Variants in ASXL2 observed in about 807,000 individuals in gnomAD.
ASXL2 encodes the protein putative Polycomb group protein ASXL2.
In ASXL2, 23 loss-of-function variants were observed where a neutral mutation model predicts 122.0. The ratio of observed to expected loss-of-function variants is 0.19; its 90% CI spans 0.14 to 0.27. The LOEUF (loss-of-function observed/expected upper bound fraction) is 0.27. ASXL2 is among the 10% of genes least tolerant of loss of function. ASXL2 has a pLI of 1.00. For synonymous variants in ASXL2, 650 were observed against 637.0 expected, an observed-to-expected ratio of 1.02 and a Z score of -0.31; for missense variants, 1,518 against 1,713.8, an observed-to-expected ratio of 0.89 and a Z score of 2.02.
At chr2:25,788,763 C>T (rs2088787572) in intron 5 of ASXL2, among the ~76,000 whole-genome samples, 1 of 152,008 alleles carries the variant, frequency 6.6e-6, no homozygotes, top group African/African-American at 2.4e-5. Flanking sequence ...AGTCTTTGCC[C>T]ATTTTTCTAT....
intron 3 of ASXL2, among the ~76,000 whole-genome samples, chr2:25,816,625 A>AG (rs2089238948): frequency 6.6e-6 from 1 of 152,252 alleles, no homozygotes; most frequent in Non-Finnish European, 1.5e-5. Flanking sequence ...GACATGAGGA[A>AG]GAAAAAAAGT....
At chr2:25,830,237 G>C (rs1229387040) in intron 3 of ASXL2, among the ~76,000 whole-genome samples, 3 of 152,186 alleles carry the variant, frequency 2.0e-5, no homozygotes, top group Non-Finnish European at 4.4e-5. Context: ...CCCCTAACAT[G>C]ATAGCCAAAA....
intron 1 of ASXL2, among the ~76,000 whole-genome samples, chr2:25,864,956 C>T (rs1465747256): frequency 2.6e-5 from 4 of 151,594 alleles, no homozygotes; most frequent in Admixed American, 6.6e-5. Context: ...CTCAGCCTCC[C>T]GAATACAGGC....
Position 25,741,995 on chromosome 2 carries a change from C to T in ASXL2, c.*34G>A, listed in dbSNP as rs2087836251. 7.7e-6 allele frequency: 12 copies of T among 1,564,596 alleles called. No individual in the cohort carries two copies. The highest frequency in any genetic ancestry group is 1.0e-5 in the Non-Finnish European group (12 of 1,149,508). ...ACCCAACTGGTCAACCCTTCCCTTC[C>T]CCCTCCTTTACAGTGTATCTCTTTC... On this transcript the variant is annotated 3_prime_UTR_variant, in exon 13 of 13. Transcript: ENST00000435504.
chr2:25,840,476 G>A (rs1318780779), intron 2 of ASXL2, among the ~76,000 whole-genome samples: 2 of 152,110 alleles, frequency 1.3e-5, no homozygotes, highest in South Asian at 2.1e-4. Flanking sequence ...TCTTTAGAAC[G>A]TTTTCAACGT....
chr2:25,813,789 G>A (rs1002091749), intron 3 of ASXL2, among the ~76,000 whole-genome samples: 5 of 152,222 alleles, frequency 3.3e-5, no homozygotes, highest in African/African-American at 9.6e-5. Flanking sequence ...AGTGGCTCAC[G>A]CCTGTAATCC....
At chr2:25,862,537 A>T (rs538862685) in intron 1 of ASXL2, among the ~76,000 whole-genome samples, 1 of 152,328 alleles carries the variant, frequency 6.6e-6, no homozygotes, top group Admixed American at 6.5e-5. Flanking sequence ...AGTATTTATT[A>T]AATGCCTATT....
At chr2:25,806,183 A>C in intron 4 of ASXL2, 46 bp downstream of exon 4, 1 of 1,211,230 alleles carries the variant, frequency 8.3e-7, no homozygotes, top group Non-Finnish European at 1.2e-6. Context: ...ATATGTGGTC[A>C]CTTCCTGTTT....
chr2:25,750,142 G>T lies in ASXL2; in HGVS notation c.1414C>A (p.His472Asn), dbSNP rs1170847179. Residue 472 changes from histidine (H) to asparagine (N), a missense_variant, in exon 12 of 13, where the codon CAT becomes AAT. Transcript: ENST00000435504. ...EPLLSSALNT[H>N]ELSSILPIKC... ...ATGGGAAGAATGCTGCTAAGCTCAT[G>T]TGTATTGAGAGCTGAGGAAAGCAGG... The T allele has an allele frequency of 6.2e-7, 1 of 1,613,878 alleles. No individual in the cohort carries two copies. Among genetic ancestry groups the T allele is most frequent in the African/African-American group, 1.3e-5 (1 of 74,924 alleles).
At chr2:25,859,127 G>C (rs1574452164) in intron 1 of ASXL2, among the ~76,000 whole-genome samples, 1 of 151,648 alleles carries the variant, frequency 6.6e-6, no homozygotes, top group South Asian at 2.1e-4. Flanking sequence ...TTCTTTTTGA[G>C]ACAGGGTTTT....
intron 3 of ASXL2, among the ~76,000 whole-genome samples, chr2:25,824,357 G>A (rs1206289515): frequency 1.3e-5 from 2 of 152,076 alleles, no homozygotes; most frequent in Non-Finnish European, 2.9e-5. Context: ...TGTGCAGGTG[G>A]TATAAAAGAT....
rs538393511 is a variant in ASXL2 at position 25,852,382 on chromosome 2, C to T, written c.58-6819G>A. Among the ~76,000 whole-genome samples, 5 of 152,296 alleles carry T rather than the reference C, an allele frequency of 3.3e-5. No individual in the cohort carries two copies. The South Asian group carries it at 1.0e-3, about 32-fold the overall frequency. On this transcript the variant is annotated intron_variant, in intron 1 of 12. Coordinates refer to ENST00000435504, the MANE Select transcript of ASXL2 (RefSeq NM_018263.6). ...TTGCCTCTAAGATTCAAGTTTGATT[C>T]TAGCCTAAATAACGGGAATATTTCA... is the stretch of plus-strand genomic sequence containing the variant.
intron 3 of ASXL2, among the ~76,000 whole-genome samples, chr2:25,816,155 G>A (rs1249085920): frequency 6.6e-6 from 1 of 151,560 alleles, no homozygotes; most frequent in Non-Finnish European, 1.5e-5. Flanking sequence ...AGACCAAGGT[G>A]AGCTGATCAC....
rs147273836 is a variant in ASXL2 at position 25,807,986 on chromosome 2, TACACAC to T, written c.144-1655_144-1650del. Among the ~76,000 whole-genome samples the T allele has an allele frequency of 4.6e-3, 603 of 131,780 alleles. 2 individuals carry two copies. The highest frequency in any genetic ancestry group is 0.016 in the African/African-American group (547 of 34,816). 86.5% of individuals were successfully genotyped at this position (131,780 alleles called of 152,430 possible). On this transcript the variant is annotated intron_variant, in intron 3 of 12. Coordinates refer to ENST00000435504, the MANE Select transcript of ASXL2 (RefSeq NM_018263.6). ...TAATTGGTTTAAATTAATCAGCTTT[TACACAC>T]ACACACACACACACACACACACACA...
In ASXL2 at chr2:25,740,235, G is replaced by A. The variant is rs936162329; in HGVS notation, c.*1794C>T. On this transcript the variant is annotated 3_prime_UTR_variant, in exon 13 of 13. Transcript: ENST00000435504. Reference sequence around the variant, plus strand: ...AAGTGAGTTTCTTACGGAGAGGAGCGGAGCAGGGGCTGTGGGAAAGCATCG... The same window carrying A: ...AAGTGAGTTTCTTACGGAGAGGAGCAGAGCAGGGGCTGTGGGAAAGCATCG... The A allele has an allele frequency of 3.2e-5, 7 of 221,190 alleles. No homozygotes were observed. Among genetic ancestry groups the A allele is most frequent in the South Asian group, 3.7e-4 (2 of 5,430 alleles). 13.7% of individuals were successfully genotyped at this position (221,190 alleles called of 1,614,324 possible).
intron 3 of ASXL2, among the ~76,000 whole-genome samples, chr2:25,814,125 T>C (rs1398692288): frequency 2.0e-5 from 3 of 152,238 alleles, no homozygotes; most frequent in Non-Finnish European, 4.4e-5. Flanking sequence ...GATATAATTT[T>C]CTTTGAAGGA....
Position 25,806,216 on chromosome 2 carries a change from A to C in ASXL2, c.252+13T>G, listed in dbSNP as rs376442792. The stretch of plus-strand genomic sequence containing the variant: ...TTTTTTCTTTCTAAATGACTCCCCA[A>C]CAAAATATTTACCTTCAAAGTATAT... On this transcript the variant is annotated intron_variant, in intron 4 of 12. Coordinates refer to ENST00000435504, the MANE Select transcript of ASXL2 (RefSeq NM_018263.6). 6.4e-7 allele frequency: 1 copy of C among 1,560,160 alleles called. No individual in the cohort carries two copies. The highest frequency in any genetic ancestry group is 8.8e-7 in the Non-Finnish European group (1 of 1,135,900).
intron 8 of ASXL2, among the ~76,000 whole-genome samples, chr2:25,765,260 C>T (rs1054688873): frequency 2.0e-5 from 3 of 152,018 alleles, no homozygotes; most frequent in African/African-American, 4.8e-5. Context: ...CCAAGGCGGG[C>T]AGATCACGAG....
chr2:25,842,493 G>T (rs1164504442), intron 2 of ASXL2, among the ~76,000 whole-genome samples: 1 of 151,514 alleles, frequency 6.6e-6, no homozygotes, highest in East Asian at 1.9e-4. Context: ...TACTATTCCT[G>T]CTTGCTCCCT....
Sources: gnomAD v4.1 joint callset for allele counts (sites outside exome capture counted in the v4.1 genomes callset) on GRCh38, gnomAD v4.1.1 for gene constraint, MANE v1.5 for transcripts, NCBI Gene and HGNC (gene_info 2026-07-23, HGNC 2026-07-21) for gene names.